SNX27: variants seen among roughly 807,000 people sequenced by gnomAD.
The protein encoded by SNX27 is sorting nexin 27.
Under a neutral mutation model 71.6 loss-of-function variants are expected in SNX27, and 22 were observed. The ratio of observed to expected loss-of-function variants is 0.31; its 90% CI spans 0.22 to 0.44. The LOEUF (loss-of-function observed/expected upper bound fraction) is 0.44, where lower values mean the gene tolerates loss of function less well. SNX27 is among the 20% of genes least tolerant of loss of function. The pLI is 1.00. For synonymous variants in SNX27, 269 were observed against 277.2 expected (o/e 0.97, Z 0.29); for missense variants, 531 against 698.6 (o/e 0.76, Z 2.70).
intron 1 of SNX27, among the ~76,000 whole-genome samples, chr1:151,623,411 A>G (rs970339348): frequency 2.0e-5 from 3 of 152,036 alleles, no homozygotes; most frequent in Admixed American, 2.0e-4. Flanking sequence ...AAGTGCTGGG[A>G]TTACAGGCGT....
intron 1 of SNX27, among the ~76,000 whole-genome samples, chr1:151,624,651 C>T (rs182780404): frequency 3.6e-4 from 54 of 151,480 alleles, no homozygotes; most frequent in Non-Finnish European, 3.2e-4. Context: ...AGGTTGGTCT[C>T]GAACTCCTGA....
intron 7 of SNX27, among the ~76,000 whole-genome samples, chr1:151,683,030 G>A (rs1159565616): frequency 2.0e-5 from 3 of 152,098 alleles, no homozygotes; most frequent in Non-Finnish European, 2.9e-5. Context: ...GCCAGACTCT[G>A]TCTCAAAACA....
chr1:151,662,905 T>G (rs942676424), intron 5 of SNX27, among the ~76,000 whole-genome samples: 1 of 147,064 alleles, frequency 6.8e-6, no homozygotes, highest in Non-Finnish European at 1.5e-5. Context: ...ATTTGCGTTA[T>G]GTATGTCTTT....
intron 1 of SNX27, among the ~76,000 whole-genome samples, chr1:151,613,549 T>A (rs576588831): frequency 6.6e-6 from 1 of 152,170 alleles, no homozygotes; most frequent in African/African-American, 2.4e-5. Context: ...TTCCCTCCCC[T>A]AGGCTGCTTT....
At chr1:151,637,906 A>T (rs1668541349) in intron 1 of SNX27, among the ~76,000 whole-genome samples, 1 of 152,250 alleles carries the variant, frequency 6.6e-6, no homozygotes, top group Non-Finnish European at 1.5e-5. Context: ...AATTGATTAG[A>T]GGTCAGGTGT....
At chr1:151,648,046 G>GT (rs1279610411) in intron 2 of SNX27, among the ~76,000 whole-genome samples, 1 of 150,958 alleles carries the variant, frequency 6.6e-6, no homozygotes, top group Non-Finnish European at 1.5e-5. Context: ...GGGTTTTTTT[G>GT]TTTTTTGTTT....
chr1:151,649,573 A>T (rs931823276), intron 2 of SNX27, among the ~76,000 whole-genome samples: 1 of 152,136 alleles, frequency 6.6e-6, no homozygotes, highest in Non-Finnish European at 1.5e-5. Flanking sequence ...ACAGAGCTAA[A>T]CCCTGTCTCA....
At chr1:151,642,472 A>G (rs187026979) in intron 2 of SNX27, among the ~76,000 whole-genome samples, 129 of 152,240 alleles carry the variant, frequency 8.5e-4, no homozygotes, top group South Asian at 5.4e-3. Flanking sequence ...AGGAACAGAA[A>G]TTTTAAATTT....
intron 2 of SNX27, among the ~76,000 whole-genome samples, chr1:151,648,035 G>A (rs1433290859): frequency 1.3e-5 from 2 of 151,644 alleles, no homozygotes; most frequent in East Asian, 1.9e-4. Context: ...TTAAAGAGTC[G>A]GGGTTTTTTT....
At chr1:151,647,276 G>A (rs1005195323) in intron 2 of SNX27, among the ~76,000 whole-genome samples, 2 of 151,782 alleles carry the variant, frequency 1.3e-5, no homozygotes, top group African/African-American at 4.8e-5. Context: ...TCAGCCTTCC[G>A]AATAGCTAAA....
At position 151,696,842 on chromosome 1, in the gene SNX27, G is replaced by T. The variant is rs1262263446; in HGVS notation, c.*2425G>T. 6.6e-6 allele frequency: 1 copy of T among 151,906 alleles called. No homozygotes were observed. The highest frequency in any genetic ancestry group is 1.5e-5 in the Non-Finnish European group (1 of 67,998). The allele number at this position is 151,906 out of a possible 1,614,324, so 9.4% of individuals were successfully genotyped here. ...TTTTTTGTATTTTTGGTAGGGCGGG[G>T]TTTCACCATGATGGCCAGGTTGGTT... On this transcript the variant is annotated 3_prime_UTR_variant, in exon 12 of 12. Transcript: ENST00000458013.
rs959690088 is a variant in SNX27 at position 151,681,915 on chromosome 1, C to T, written c.1150-1441C>T. On this transcript the variant is annotated intron_variant, in intron 7 of 11. Coordinates refer to ENST00000458013, the MANE Select transcript of SNX27 (RefSeq NM_001330723.2). ...TTAAGCACAGACTCATTCCTGTTTC[C>T]TATCTTTAGCTTATAGTTTCTCTTC... Among the ~76,000 whole-genome samples the T allele has an allele frequency of 2.0e-5, 3 of 152,104 alleles. 1 individual carries two copies.
rs563014139 is a variant in SNX27 at position 151,693,894 on chromosome 1, G to C, written c.1578+411G>C. On this transcript the variant is annotated intron_variant, in intron 11 of 11. Transcript: ENST00000458013. ...GGCGAACCAAGAATGTTTGTGTGAG[G>C]GAAGGTGTTTGCTGTTGCTTTACTG... 1.9e-5 allele frequency: 26 copies of C among 1,387,912 alleles called. 1 individual carries two copies. In the South Asian group the frequency reaches 4.5e-4, roughly 24 times the overall value. 86.0% of individuals were successfully genotyped at this position (1,387,912 alleles called of 1,614,324 possible). A position where few individuals can be genotyped will look rare whatever the true frequency, so the allele number is the denominator to read the frequency against.
intron 2 of SNX27, among the ~76,000 whole-genome samples, chr1:151,642,118 C>T (rs1238511177): frequency 6.6e-6 from 1 of 151,506 alleles, no homozygotes; most frequent in African/African-American, 2.4e-5. Context: ...CCTGTAATCC[C>T]AGCACTTTGG....
At chr1:151,626,953 T>C (rs1667972561) in intron 1 of SNX27, among the ~76,000 whole-genome samples, 1 of 152,174 alleles carries the variant, frequency 6.6e-6, no homozygotes, top group South Asian at 2.1e-4. Context: ...AGTCCTAGAA[T>C]CAACCATTTA....
chr1:151,694,202 C>T, intron 11 of SNX27, 168 bp from the exon 12 acceptor site: 1 of 1,373,560 alleles, frequency 7.3e-7, no homozygotes, highest in East Asian at 2.7e-5. Context: ...ATCCAAGGTC[C>T]CTTCCGGCTC....
At chr1:151,670,008 T>G (rs1001313598) in intron 7 of SNX27, among the ~76,000 whole-genome samples, 1 of 152,226 alleles carries the variant, frequency 6.6e-6, no homozygotes, top group Non-Finnish European at 1.5e-5. Context: ...CTATTTTTTT[T>G]GTACCCATTA....
At chr1:151,675,699 T>G (rs998977940) in intron 7 of SNX27, among the ~76,000 whole-genome samples, 3 of 151,766 alleles carry the variant, frequency 2.0e-5, no homozygotes, top group Non-Finnish European at 4.4e-5. Flanking sequence ...GGTTGTTTTT[T>G]GAGTATGTGA....
chr1:151,652,470 G>A (rs951920156), intron 2 of SNX27, among the ~76,000 whole-genome samples: 1 of 145,062 alleles, frequency 6.9e-6, no homozygotes, highest in African/African-American at 2.6e-5. Flanking sequence ...GTGCAGTGGT[G>A]TGATCTCGGC....
Sources: allele counts gnomAD v4.1 joint callset (sites outside exome capture counted in the v4.1 genomes callset), GRCh38; gene constraint gnomAD v4.1.1; transcripts MANE v1.5; gene names NCBI Gene and HGNC (gene_info 2026-07-23, HGNC 2026-07-21).